The following SDK1 variants were observed in gnomAD, a reference collection of about 807,000 sequenced individuals.
SDK1 encodes the protein sidekick cell adhesion molecule 1.
A neutral mutation model predicts 245.5 loss-of-function variants in SDK1; 157 were observed. That is an observed-to-expected ratio of 0.64 (90% CI 0.56 to 0.73). The LOEUF is 0.73. SDK1 is among the 30% of genes least tolerant of loss of function. The pLI is 0.00. For synonymous variants in SDK1, 1,647 were observed against 1,278.5 expected, an observed-to-expected ratio of 1.29 and a Z score of -6.15; for missense variants, 3,583 against 3,002.3, an observed-to-expected ratio of 1.19 and a Z score of -4.52.
chr7:3,813,888 T>G lies in SDK1; in HGVS notation c.714-7562T>G, dbSNP rs28778578. ...TGATGATGAGCATTTTTTCATGTGT[T>G]TTTTGGCTGCATAAATGTCTTCTTT... On this transcript the variant is annotated intron_variant, in intron 4 of 44. Transcript: ENST00000404826. Among the ~76,000 whole-genome samples the G allele has an allele frequency of 2.6e-3, 331 of 129,258 alleles. 1 individual carries two copies. Among genetic ancestry groups the G allele is most frequent in the African/African-American group, 0.01 (321 of 31,114 alleles). 84.8% of individuals were successfully genotyped at this position (129,258 alleles called of 152,430 possible).
At chr7:3,771,249 TGGAA>T (rs1392905952) in intron 4 of SDK1, among the ~76,000 whole-genome samples, 1 of 152,044 alleles carries the variant, frequency 6.6e-6, no homozygotes, top group Non-Finnish European at 1.5e-5. Flanking sequence ...CAGGATAGTG[TGGAA>T]GTGCACAAGC....
At position 3,328,425 on chromosome 7, in the gene SDK1, G is replaced by C. The variant is rs573462342; in HGVS notation, c.298+26541G>C. Among the ~76,000 whole-genome samples, 626 of 152,052 alleles carry C rather than the reference G, an allele frequency of 4.1e-3. 7 individuals carry two copies. The highest frequency in any genetic ancestry group is 0.017 in the South Asian group (83 of 4,816). On this transcript the variant is annotated intron_variant, in intron 1 of 44. Transcript: ENST00000404826. Reference sequence around the variant, plus strand: ...CATTTTAGATCATGCTAACATTCTAGTTCAGATGATCTGGGTTGCTTGTAT... The same window carrying C: ...CATTTTAGATCATGCTAACATTCTACTTCAGATGATCTGGGTTGCTTGTAT...
chr7:3,407,069 C>T (rs1282649132), intron 1 of SDK1, among the ~76,000 whole-genome samples: 1 of 152,198 alleles, frequency 6.6e-6, no homozygotes. Context: ...CAGAATTGCT[C>T]TGTCTCTCCC....
At position 4,096,175 on chromosome 7, in the gene SDK1, C is replaced by G. The variant is rs115126850; in HGVS notation, c.3325-14488C>G. ...AGGCAATGTCAAGGCTTAGAAATCC[C>G]AGAGTCTCCTGGAATAAGACACTCA... On this transcript the variant is annotated intron_variant, in intron 22 of 44. Coordinates refer to ENST00000404826, the MANE Select transcript of SDK1 (RefSeq NM_152744.4). Among the ~76,000 whole-genome samples the G allele has an allele frequency of 7.1e-3, 1,085 of 152,324 alleles. 14 individuals carry two copies. Among genetic ancestry groups the G allele is most frequent in the African/African-American group, 0.013 (554 of 41,572 alleles).
intron 44 of SDK1, among the ~76,000 whole-genome samples, chr7:4,253,852 C>G (rs1787462041): frequency 6.6e-6 from 1 of 152,122 alleles, no homozygotes; most frequent in East Asian, 1.9e-4. Flanking sequence ...ACCATTTTAT[C>G]AGATATTTGC....
chr7:3,812,387 A>G (rs1779406888), intron 4 of SDK1, among the ~76,000 whole-genome samples: 1 of 152,210 alleles, frequency 6.6e-6, no homozygotes, highest in Non-Finnish European at 1.5e-5. Context: ...ACGTATTTCA[A>G]ATCCAAAGGA....
chr7:3,553,198 G>A (rs1020890203), intron 1 of SDK1, among the ~76,000 whole-genome samples: 2 of 151,934 alleles, frequency 1.3e-5, no homozygotes, highest in Admixed American at 6.6e-5. Flanking sequence ...TTCATAGCAG[G>A]CAGTGATCTA....
chr7:3,821,749 T>G, intron 5 of SDK1, among the ~76,000 whole-genome samples, 166 bp downstream of exon 5: 1 of 152,168 alleles, frequency 6.6e-6, no homozygotes, highest in East Asian at 1.9e-4. Flanking sequence ...TTAGGGCTCT[T>G]GCTTTCTTCA....
intron 22 of SDK1, among the ~76,000 whole-genome samples, chr7:4,109,752 C>T (rs558026858): frequency 3.9e-5 from 6 of 152,148 alleles, no homozygotes; most frequent in Non-Finnish European, 5.9e-5. Context: ...GAGAGAGGGA[C>T]GTGGTCAGCT....
rs199959077 is a variant in SDK1 at position 4,017,175 on chromosome 7, C to T, written c.2425C>T (p.Arg809Cys). 3.5e-5 allele frequency: 56 copies of T among 1,608,972 alleles called. No individual in the cohort carries two copies. In the East Asian group the frequency reaches 6.5e-4, roughly 19 times the overall value. Residue 809 changes from arginine to cysteine, a missense_variant, in exon 17 of 45, where the codon CGC (arginine) becomes TGC (cysteine). Transcript: ENST00000404826. ...TGGGCTTCCTTCGTGGCGCAGGTAC[C>T]GCCTGGCTGGCCTTCCCGGAGAGTA... ...GVLRGYILRY[R>C]LAGLPGEYQQ...
At chr7:4,068,422 G>A (rs1262528997) in intron 20 of SDK1, among the ~76,000 whole-genome samples, 5 of 152,158 alleles carry the variant, frequency 3.3e-5, no homozygotes, top group Admixed American at 6.5e-5. Context: ...ACACAGCCAG[G>A]TGGTGTGACT....
chr7:3,780,138 A>T (rs1780688050), intron 4 of SDK1, among the ~76,000 whole-genome samples: 1 of 152,140 alleles, frequency 6.6e-6, no homozygotes, highest in South Asian at 2.1e-4. Flanking sequence ...AATTCAATGA[A>T]ATCTGAATTA....
At chr7:3,591,797 A>G (rs1780883901) in intron 1 of SDK1, among the ~76,000 whole-genome samples, 1 of 152,186 alleles carries the variant, frequency 6.6e-6, no homozygotes, top group Non-Finnish European at 1.5e-5. Flanking sequence ...GCTCATTTTT[A>G]AAGTACTTGC....
intron 1 of SDK1, among the ~76,000 whole-genome samples, chr7:3,587,642 G>C (rs1038468719): frequency 1.3e-5 from 2 of 152,194 alleles, no homozygotes; most frequent in Non-Finnish European, 2.9e-5. Context: ...ATGGCCGTCT[G>C]TTTTACTCAG....
At chr7:3,750,607 G>T (rs1480154677) in intron 4 of SDK1, among the ~76,000 whole-genome samples, 1 of 152,136 alleles carries the variant, frequency 6.6e-6, no homozygotes, top group Non-Finnish European at 1.5e-5. Context: ...GTAGTGTGGG[G>T]GTCAGCGGAT....
intron 25 of SDK1, among the ~76,000 whole-genome samples, chr7:4,119,476 C>T (rs1035388550): frequency 1.4e-5 from 2 of 148,006 alleles, no homozygotes; most frequent in Non-Finnish European, 3.0e-5. Context: ...ATAAGAATGG[C>T]TCATAGATTG....
chr7:3,605,155 C>CACACACAG (rs1781381294), intron 1 of SDK1, among the ~76,000 whole-genome samples: 1 of 151,252 alleles, frequency 6.6e-6, no homozygotes, highest in Non-Finnish European at 1.5e-5. Flanking sequence ...AACACACACA[C>CACACACAG]ACACACACAC....
intron 1 of SDK1, among the ~76,000 whole-genome samples, chr7:3,576,362 C>T (rs532271097): frequency 1.8e-4 from 27 of 152,166 alleles, no homozygotes; most frequent in Admixed American, 9.8e-4. Context: ...CTAGGTGGGG[C>T]CATCTGCAAG....
intron 6 of SDK1, 64 bp from the exon 7 acceptor site, chr7:3,951,666 G>T: frequency 6.8e-7 from 1 of 1,472,714 alleles, no homozygotes; most frequent in Non-Finnish European, 9.4e-7. Flanking sequence ...GAGTGCCTGA[G>T]ATGATGACCG....
Sources: gnomAD v4.1 joint callset for allele counts (sites outside exome capture counted in the v4.1 genomes callset) on GRCh38, gnomAD v4.1.1 for gene constraint, MANE v1.5 for transcripts, NCBI Gene and HGNC (gene_info 2026-07-23, HGNC 2026-07-21) for gene names.